The following GALNT13 variants were observed in gnomAD, a reference collection of about 807,000 sequenced individuals.
GALNT13 encodes the protein UDP-GalNAc:polypeptide N-acetylgalactosaminyltransferase 13.
In GALNT13, 28 loss-of-function variants were observed where a neutral mutation model predicts 64.2. That is an observed-to-expected ratio of 0.44 (90% CI 0.32 to 0.60). The LOEUF is 0.60. Among genes scored for constraint, GALNT13 ranks in the 20% least tolerant of loss-of-function variants. The pLI, the probability that GALNT13 is intolerant of heterozygous loss-of-function variation, is 0.05. For synonymous variants in GALNT13, 214 were observed against 224.6 expected, an observed-to-expected ratio of 0.95 and a Z score of 0.42; for missense variants, 577 against 669.8, an observed-to-expected ratio of 0.86 and a Z score of 1.53.
At chr2:154,098,271 T>C (rs1448460020) in intron 3 of GALNT13, among the ~76,000 whole-genome samples, 1 of 151,988 alleles carries the variant, frequency 6.6e-6, no homozygotes, top group Admixed American at 6.6e-5. Context: ...AGATACGACA[T>C]GTAAACTAAG....
At chr2:154,316,327 G>GA (rs1216479961) in intron 9 of GALNT13, among the ~76,000 whole-genome samples, 1 of 152,032 alleles carries the variant, frequency 6.6e-6, no homozygotes, top group African/African-American at 2.4e-5. Context: ...CAATACATTT[G>GA]AAAATTGTGA....
intron 9 of GALNT13, among the ~76,000 whole-genome samples, chr2:154,350,604 G>GTGTC (rs1366610568): frequency 6.6e-6 from 1 of 152,168 alleles, no homozygotes; most frequent in Non-Finnish European, 1.5e-5. Flanking sequence ...CCGTGTGACT[G>GTGTC]TGTCAGTCAA....
the GALNT13 span, among the ~76,000 whole-genome samples, chr2:153,201,249 G>A: frequency 3.3e-5 from 5 of 152,146 alleles, no homozygotes; most frequent in Admixed American, 3.3e-4. Context: ...CTTGGATTCT[G>A]CTGCTTGGTG....
the GALNT13 span, among the ~76,000 whole-genome samples, chr2:153,768,050 C>G: frequency 0.012 from 1,891 of 152,054 alleles, 35 homozygotes; most frequent in African/African-American, 0.042. Flanking sequence ...AGAGTTTTTC[C>G]TAGTTTTTCT....
chr2:153,646,640 G>A, the GALNT13 span, among the ~76,000 whole-genome samples: 1 of 151,892 alleles, frequency 6.6e-6, no homozygotes, highest in Non-Finnish European at 1.5e-5. Context: ...AGGCCCCGGT[G>A]TGCGATGTTC....
At chr2:153,226,040 TCTC>T in the GALNT13 span, among the ~76,000 whole-genome samples, 4 of 151,960 alleles carry the variant, frequency 2.6e-5, no homozygotes, top group African/African-American at 4.8e-5. Flanking sequence ...TTCAAGCACT[TCTC>T]CTGCTTCAGC....
At chr2:153,344,309 C>G in the GALNT13 span, among the ~76,000 whole-genome samples, 3 of 152,220 alleles carry the variant, frequency 2.0e-5, no homozygotes, top group Non-Finnish European at 2.9e-5. Context: ...ATTCACTTGT[C>G]ATTCCCTCTT....
the GALNT13 span, among the ~76,000 whole-genome samples, chr2:153,239,594 G>C: frequency 1.3e-5 from 2 of 152,010 alleles, no homozygotes; most frequent in African/African-American, 2.4e-5. Context: ...TAATCTTGTG[G>C]TTTTTATCCT....
chr2:153,484,824 A>T, the GALNT13 span, among the ~76,000 whole-genome samples: 2 of 152,186 alleles, frequency 1.3e-5, no homozygotes, highest in Non-Finnish European at 2.9e-5. Flanking sequence ...CTTAAGATCA[A>T]CTAGGATGGG....
the GALNT13 span, among the ~76,000 whole-genome samples, chr2:153,241,663 A>ATG: frequency 2.6e-5 from 4 of 151,006 alleles, no homozygotes; most frequent in Admixed American, 6.6e-5. Flanking sequence ...GTGTATGTGT[A>ATG]TGTGTGTGTG....
At chr2:154,213,142 A>C (rs1252579656) in intron 4 of GALNT13, among the ~76,000 whole-genome samples, 2 of 152,188 alleles carry the variant, frequency 1.3e-5, no homozygotes, top group East Asian at 1.9e-4. Flanking sequence ...TGGCTCTGTC[A>C]CCCAGGCTGG....
At chr2:153,751,840 T>A in the GALNT13 span, among the ~76,000 whole-genome samples, 1 of 151,920 alleles carries the variant, frequency 6.6e-6, no homozygotes, top group East Asian at 1.9e-4. Context: ...AATGTTATTA[T>A]TTATATGTAA....
the GALNT13 span, among the ~76,000 whole-genome samples, chr2:153,113,867 G>A: frequency 2.0e-5 from 3 of 152,004 alleles, no homozygotes; most frequent in Non-Finnish European, 4.4e-5. Flanking sequence ...GGCCACTTTG[G>A]TGTTAGAAAC....
chr2:153,794,663 G>T, the GALNT13 span, among the ~76,000 whole-genome samples: 1 of 151,946 alleles, frequency 6.6e-6, no homozygotes, highest in Non-Finnish European at 1.5e-5. Context: ...TGGGATTACA[G>T]GCGCCCACCA....
intron 9 of GALNT13, among the ~76,000 whole-genome samples, chr2:154,382,444 G>T (rs541154437): frequency 2.6e-5 from 4 of 152,056 alleles, no homozygotes; most frequent in Non-Finnish European, 4.4e-5. Context: ...TGTATCTTAT[G>T]TATGCAATAA....
chr2:154,121,767 T>C (rs1422585646), intron 3 of GALNT13, among the ~76,000 whole-genome samples: 1 of 152,032 alleles, frequency 6.6e-6, no homozygotes, highest in East Asian at 1.9e-4. Flanking sequence ...TACATTGTGA[T>C]TTTCTTCATA....
chr2:153,173,815 A>G, the GALNT13 span, among the ~76,000 whole-genome samples: 22 of 152,302 alleles, frequency 1.4e-4, 1 homozygote, highest in African/African-American at 4.1e-4. Context: ...ATTCAAATCA[A>G]TTATGGGTGA....
At chr2:153,858,502 C>A in the GALNT13 span, among the ~76,000 whole-genome samples, 1 of 152,112 alleles carries the variant, frequency 6.6e-6, no homozygotes, top group African/African-American at 2.4e-5. Context: ...TTTCAGTTAC[C>A]TCTGGTTCAC....
At chr2:154,288,120 A>C (rs10172963) in intron 8 of GALNT13, among the ~76,000 whole-genome samples, 21,959 of 152,166 alleles carry the variant, frequency 0.14, 1,605 homozygotes, top group Middle Eastern at 0.18. Flanking sequence ...TCATGGTGGA[A>C]GGCAAAGGAG....
Sources: gnomAD v4.1 joint callset for allele counts (sites outside exome capture counted in the v4.1 genomes callset) on GRCh38, gnomAD v4.1.1 for gene constraint, MANE v1.5 for transcripts, NCBI Gene and HGNC (gene_info 2026-07-23, HGNC 2026-07-21) for gene names.